Variants in ST13 observed in about 807,000 individuals in gnomAD.
ST13 encodes hsc70-interacting protein.
In ST13, 23 loss-of-function variants were observed where a neutral mutation model predicts 56.7. That is an observed-to-expected ratio of 0.41 (90% CI 0.29 to 0.57). The LOEUF is 0.57. ST13 is among the 20% of genes least tolerant of loss of function. ST13 has a pLI of 0.36. For missense variants in ST13, 369 were observed against 459.9 expected, an observed-to-expected ratio of 0.80 and a Z score of 1.81; for synonymous variants, 132 against 142.4, an observed-to-expected ratio of 0.93 and a Z score of 0.52.
intron 10 of ST13, among the ~76,000 whole-genome samples, chr22:40,828,011 G>A (rs1248045033): frequency 6.6e-6 from 1 of 152,054 alleles, no homozygotes; most frequent in African/African-American, 2.4e-5. Context: ...TTAGGTTTTT[G>A]TTTCAACTAT....
intron 4 of ST13, among the ~76,000 whole-genome samples, chr22:40,842,585 A>G (rs1402213937): frequency 1.3e-5 from 2 of 152,238 alleles, no homozygotes; most frequent in African/African-American, 2.4e-5. Context: ...GAAACTTAAT[A>G]ACAAAAGTCT....
intron 4 of ST13, 39 bp downstream of exon 4, chr22:40,844,800 T>C (rs1441728711): frequency 1.2e-5 from 18 of 1,542,528 alleles, no homozygotes; most frequent in Admixed American, 1.7e-5. Flanking sequence ...ACCTTTCACA[T>C]TTCTTAGAAC....
At chr22:40,849,228 A>G (rs954855738) in intron 2 of ST13, among the ~76,000 whole-genome samples, 26 of 152,144 alleles carry the variant, frequency 1.7e-4, no homozygotes, top group African/African-American at 5.8e-4. Context: ...CTGTAATTCC[A>G]GCACTTTGGG....
At chr22:40,856,282 T>C (rs1443815246) in intron 1 of ST13, 149 bp downstream of exon 1, 8 of 677,254 alleles carry the variant, frequency 1.2e-5, no homozygotes, top group Non-Finnish European at 2.1e-5. Flanking sequence ...GCTCGCGATC[T>C]TCCATGACCC....
chr22:40,848,504 T>C, intron 2 of ST13, 135 bp from the exon 3 acceptor site: 1 of 664,184 alleles, frequency 1.5e-6, no homozygotes, highest in South Asian at 1.7e-5. Flanking sequence ...TCCAGCACTT[T>C]GGGAGGCTGG....
chr22:40,845,230 AAT>A (rs1177591585), intron 3 of ST13, among the ~76,000 whole-genome samples: 1 of 152,230 alleles, frequency 6.6e-6, no homozygotes, highest in Non-Finnish European at 1.5e-5. Flanking sequence ...ATTTAGTTCA[AAT>A]AATTTTTTTC....
chr22:40,839,054 T>C (rs541109155), intron 5 of ST13, among the ~76,000 whole-genome samples: 1 of 152,242 alleles, frequency 6.6e-6, no homozygotes, highest in South Asian at 2.1e-4. Context: ...AATCACAGGT[T>C]ACAAGCAAGA....
rs1421611313 is a variant in ST13 at position 40,824,913 on chromosome 22, TTA to T, written c.*1623_*1624del. The T allele has an allele frequency of 6.6e-6, 1 of 152,198 alleles. No individual in the cohort carries two copies. Among genetic ancestry groups the T allele is most frequent in the Non-Finnish European group, 1.5e-5 (1 of 68,036 alleles). The allele number at this position is 152,198 out of a possible 1,614,324, so 9.4% of individuals were successfully genotyped here. A position where few individuals can be genotyped will look rare whatever the true frequency, so the allele number is the denominator to read the frequency against. On this transcript the variant is annotated 3_prime_UTR_variant, in exon 12 of 12. Coordinates refer to ENST00000216218, the MANE Select transcript of ST13 (RefSeq NM_003932.5). ...GCAAAGGGTTAGAACCTGAATAAAC[TTA>T]TTTATGATTTCAGAAATGTGGTATT...
At chr22:40,826,887 A>G (rs762794699) in intron 11 of ST13, among the ~76,000 whole-genome samples, 9 of 148,334 alleles carry the variant, frequency 6.1e-5, no homozygotes, top group African/African-American at 1.1e-4. Context: ...ACAACTGGAT[A>G]TAATTGCCGA....
chr22:40,841,270 T>TGAGTTAGGA (rs2057803386), intron 4 of ST13, among the ~76,000 whole-genome samples: 1 of 150,768 alleles, frequency 6.6e-6, no homozygotes, highest in Admixed American at 6.6e-5. Context: ...CTCAGGAGGC[T>TGAGTTAGGA]GAGTTAGGAG....
intron 10 of ST13, among the ~76,000 whole-genome samples, chr22:40,827,487 GTTTGT>G (rs1229822386): frequency 1.3e-5 from 2 of 151,760 alleles, no homozygotes; most frequent in African/African-American, 2.4e-5. Flanking sequence ...TTTTATTTTT[GTTTGT>G]TTTGAGACGG....
At chr22:40,827,070 T>C in intron 11 of ST13, 26 bp downstream of exon 11, 2 of 1,607,962 alleles carry the variant, frequency 1.2e-6, no homozygotes, top group Non-Finnish European at 1.7e-6. Context: ...TGATACAAAG[T>C]CCAAAGTTTT....
intron 5 of ST13, among the ~76,000 whole-genome samples, chr22:40,837,222 T>G (rs2057781809): frequency 6.6e-6 from 1 of 152,222 alleles, no homozygotes; most frequent in Non-Finnish European, 1.5e-5. Flanking sequence ...AAATGCTCAG[T>G]CTTATTAATT....
Position 40,825,252 on chromosome 22 carries a change from TCAA to T in ST13, c.*1283_*1285del, listed in dbSNP as rs1211820150. Reference sequence around the variant, plus strand: ...CAAAGACAATGAGTCTTTCATAGTCTCAACAACTCCACAATGAATAACTGTGGA... The same window carrying T: ...CAAAGACAATGAGTCTTTCATAGTCTCAACTCCACAATGAATAACTGTGGA... On this transcript the variant is annotated 3_prime_UTR_variant, in exon 12 of 12. Coordinates refer to ENST00000216218, the MANE Select transcript of ST13 (RefSeq NM_003932.5). 2.0e-5 allele frequency: 3 copies of T among 152,132 alleles called. No individual in the cohort carries two copies. The highest frequency in any genetic ancestry group is 7.2e-5 in the African/African-American group (3 of 41,434). 9.4% of individuals were successfully genotyped at this position (152,132 alleles called of 1,614,324 possible). A position where few individuals can be genotyped will look rare whatever the true frequency, so the allele number is the denominator to read the frequency against.
chr22:40,832,779 TA>T, intron 7 of ST13, 108 bp from the exon 8 acceptor site: 2 of 802,594 alleles, frequency 2.5e-6, no homozygotes, highest in Non-Finnish European at 4.0e-6. Flanking sequence ...AGGCTTAAGT[TA>T]AATATTAACT....
Position 40,850,941 on chromosome 22 carries a change from G to A in ST13, c.111-61C>T, listed in dbSNP as rs931369814. ...AAATTAAAATTCACTGTCACGCAAC[G>A]TATTTACACCTAAAAAATAACGTTA... On this transcript the variant is annotated intron_variant, in intron 1 of 11. Coordinates refer to ENST00000216218, the MANE Select transcript of ST13 (RefSeq NM_003932.5). 2.9e-5 allele frequency: 35 copies of A among 1,219,578 alleles called. No individual in the cohort carries two copies. In the South Asian group the frequency reaches 3.1e-4, roughly 11 times the overall value. The allele number at this position is 1,219,578 out of a possible 1,614,324, so 75.5% of individuals were successfully genotyped here. A position where few individuals can be genotyped will look rare whatever the true frequency, so the allele number is the denominator to read the frequency against.
In ST13 at chr22:40,850,804, A is replaced by C; in HGVS notation, c.168+19T>G. On this transcript the variant is annotated intron_variant, in intron 2 of 11. Coordinates refer to ENST00000216218, the MANE Select transcript of ST13 (RefSeq NM_003932.5). Reference sequence around the variant, plus strand: ...TATAGTACTTTATCACAAAACATACAAATGAAATTAAAACTTACCTTGGTA... The same window carrying C: ...TATAGTACTTTATCACAAAACATACCAATGAAATTAAAACTTACCTTGGTA... 1 of 1,584,330 alleles carries C rather than the reference A, an allele frequency of 6.3e-7. No homozygotes were observed. Among genetic ancestry groups the C allele is most frequent in the Non-Finnish European group, 8.6e-7 (1 of 1,160,316 alleles).
At chr22:40,840,561 C>T in intron 5 of ST13, 65 bp downstream of exon 5, 1 of 1,397,324 alleles carries the variant, frequency 7.2e-7, no homozygotes, top group Non-Finnish European at 1.0e-6. Context: ...TCTACTTTAC[C>T]ACTATTTAAG....
chr22:40,845,040 T>A (rs78707275), intron 3 of ST13, 131 bp from the exon 4 acceptor site: 4 of 624,338 alleles, frequency 6.4e-6, no homozygotes, highest in Admixed American at 3.4e-5. Context: ...TTTTAAAATA[T>A]GTTCCCATTA....
Sources: gnomAD v4.1 joint callset for allele counts (sites outside exome capture counted in the v4.1 genomes callset) on GRCh38, gnomAD v4.1.1 for gene constraint, MANE v1.5 for transcripts, NCBI Gene and HGNC (gene_info 2026-07-23, HGNC 2026-07-21) for gene names.